The following PDK1 variants were observed in gnomAD, a reference collection of about 807,000 sequenced individuals.
PDK1 encodes [Pyruvate dehydrogenase (acetyl-transferring)] kinase isozyme 1, mitochondrial.
Under a neutral mutation model 54.2 loss-of-function variants are expected in PDK1, and 39 were observed. The observed-to-expected ratio is 0.72, with a 90% CI of 0.56 to 0.94. The LOEUF is 0.94. PDK1 is among the 40% of genes least tolerant of loss of function. The pLI is 0.00. For synonymous variants in PDK1, 221 were observed against 207.1 expected (o/e 1.07, Z -0.58); for missense variants, 552 against 566.0 (o/e 0.98, Z 0.25).
chr2:172,710,107 T>C, the PDK1 span, among the ~76,000 whole-genome samples: 1 of 152,160 alleles, frequency 6.6e-6, no homozygotes, highest in South Asian at 2.1e-4. Flanking sequence ...GGTGAACTCA[T>C]GACGTAAGTG....
chr2:172,697,961 G>A, the PDK1 span, among the ~76,000 whole-genome samples: 62 of 152,180 alleles, frequency 4.1e-4, no homozygotes, highest in African/African-American at 1.4e-3. Flanking sequence ...GCATCTCACC[G>A]GAAAACTAGA....
At chr2:172,701,648 GTTTTTTTT>G in the PDK1 span, among the ~76,000 whole-genome samples, 3 of 124,868 alleles carry the variant, frequency 2.4e-5, no homozygotes, top group African/African-American at 9.4e-5. Context: ...TTTTTGTTTT[GTTTTTTTT>G]TTTTTTTGGA....
the PDK1 span, among the ~76,000 whole-genome samples, chr2:172,633,867 A>ATTTTTTTTTTTT: frequency 4.4e-5 from 3 of 68,834 alleles, 1 homozygote; most frequent in African/African-American, 1.8e-4. Flanking sequence ...TTAGTCTATG[A>ATTTTTTTTTTTT]TTTTTTTTTT....
rs78567661 is a variant in PDK1 at position 172,580,396 on chromosome 2, T to G, written c.946-5882T>G. On this transcript the variant is annotated intron_variant, in intron 8 of 10. Transcript: ENST00000282077. The stretch of plus-strand genomic sequence containing the variant: ...CTGCAGCATGTTCTTTCTTGTACCT[T>G]TTTCTGCTTCTATTAGAAGTGCTTT... Among the ~76,000 whole-genome samples, 828 of 152,278 alleles carry G rather than the reference T, an allele frequency of 5.4e-3. 9 individuals are homozygous for G. Among genetic ancestry groups the G allele is most frequent in the African/African-American group, 0.019 (774 of 41,534 alleles).
chr2:172,614,523 A>G, the PDK1 span, among the ~76,000 whole-genome samples: 1 of 152,158 alleles, frequency 6.6e-6, no homozygotes, highest in South Asian at 2.1e-4. Flanking sequence ...TCAGAGAGAA[A>G]CTGTTAGCAG....
chr2:172,633,946 C>A, the PDK1 span, among the ~76,000 whole-genome samples: 1 of 139,352 alleles, frequency 7.2e-6, no homozygotes, highest in Non-Finnish European at 1.5e-5. Flanking sequence ...CACGATCTCG[C>A]CTCACTGCAA....
chr2:172,642,859 T>TCTCCTCCTCCTCCTCCCA, the PDK1 span, among the ~76,000 whole-genome samples: 2 of 147,450 alleles, frequency 1.4e-5, no homozygotes, highest in Non-Finnish European at 3.0e-5. Flanking sequence ...TTCTCCTCCT[T>TCTCCTCCTCCTCCTCCCA]CTCCTCCTCC....
intron 10 of PDK1, among the ~76,000 whole-genome samples, chr2:172,594,308 A>G (rs1690774941): frequency 6.6e-6 from 1 of 152,146 alleles, no homozygotes; most frequent in Admixed American, 6.5e-5. Context: ...TACAGGCATG[A>G]GCCACCACAC....
At chr2:172,678,431 TG>T in the PDK1 span, among the ~76,000 whole-genome samples, 1 of 152,030 alleles carries the variant, frequency 6.6e-6, no homozygotes, top group African/African-American at 2.4e-5. Context: ...GGAGTGGGAT[TG>T]GTGGTTGGAG....
At chr2:172,693,499 A>C in the PDK1 span, among the ~76,000 whole-genome samples, 4 of 152,198 alleles carry the variant, frequency 2.6e-5, no homozygotes, top group Non-Finnish European at 5.9e-5. Flanking sequence ...AAATTAAATG[A>C]TTTGGTATAT....
At chr2:172,564,442 A>T in intron 3 of PDK1, 61 bp from the exon 4 acceptor site, 1 of 1,374,744 alleles carries the variant, frequency 7.3e-7, no homozygotes, top group Non-Finnish European at 1.0e-6. Context: ...TTAAGCTTAT[A>T]TTTTTGTATT....
the PDK1 span, among the ~76,000 whole-genome samples, chr2:172,649,988 C>T: frequency 3.3e-5 from 5 of 152,176 alleles, no homozygotes; most frequent in South Asian, 6.2e-4. Flanking sequence ...ATACAGAGAA[C>T]GCCGCAAAGA....
the PDK1 span, among the ~76,000 whole-genome samples, chr2:172,648,848 G>A: frequency 1.3e-5 from 2 of 152,222 alleles, no homozygotes; most frequent in African/African-American, 4.8e-5. Context: ...CTCGAACTGG[G>A]TGAAGCCCAC....
At chr2:172,689,856 G>A in the PDK1 span, among the ~76,000 whole-genome samples, 3 of 150,086 alleles carry the variant, frequency 2.0e-5, 1 homozygote, top group African/African-American at 7.3e-5. Context: ...AATTCAAGAT[G>A]GATTAAAGAC....
chr2:172,696,030 G>A, the PDK1 span, among the ~76,000 whole-genome samples: 3 of 152,024 alleles, frequency 2.0e-5, no homozygotes, highest in African/African-American at 7.3e-5. Flanking sequence ...AAAATTAGCT[G>A]GGTGTGGTGA....
intron 8 of PDK1, among the ~76,000 whole-genome samples, chr2:172,579,049 G>A (rs999993434): frequency 6.6e-6 from 1 of 152,126 alleles, no homozygotes; most frequent in African/African-American, 2.4e-5. Context: ...ATGACCCTGG[G>A]CATGAGTATG....
rs1024231004 is a variant in PDK1 at position 172,603,295 on chromosome 2, A to C, written c.*7326A>C. 6.6e-6 allele frequency: 1 copy of C among 152,170 alleles called. No homozygotes were observed. The allele number at this position is 152,170 out of a possible 1,614,324, so 9.4% of individuals were successfully genotyped here. ...AGAGTACTTAAAAAAGATAAGAAGG[A>C]TCTATTCCTGATATACAGGGTACTT... On this transcript the variant is annotated 3_prime_UTR_variant, in exon 11 of 11. Coordinates refer to ENST00000282077, the MANE Select transcript of PDK1 (RefSeq NM_002610.5).
chr2:172,704,713 C>T, the PDK1 span, among the ~76,000 whole-genome samples: 1 of 152,148 alleles, frequency 6.6e-6, no homozygotes, highest in East Asian at 1.9e-4. Flanking sequence ...GGGGAAACAA[C>T]CAAAAGCCAT....
the PDK1 span, among the ~76,000 whole-genome samples, chr2:172,713,342 C>A: frequency 6.6e-6 from 1 of 152,186 alleles, no homozygotes; most frequent in Non-Finnish European, 1.5e-5. Flanking sequence ...GCCTGGTCCC[C>A]AGGCTTCAGG....
Sources: allele counts gnomAD v4.1 joint callset (sites outside exome capture counted in the v4.1 genomes callset), GRCh38; gene constraint gnomAD v4.1.1; transcripts MANE v1.5; gene names NCBI Gene and HGNC (gene_info 2026-07-23, HGNC 2026-07-21).